The following JAKMIP1 variants were observed in gnomAD, a reference collection of about 807,000 sequenced individuals.
JAKMIP1 encodes the protein janus kinase and microtubule-interacting protein 1.
JAKMIP1 carries 33 observed loss-of-function variants against 113.0 expected under a neutral mutation model. The observed-to-expected ratio is 0.29, with a 90% confidence interval of 0.22 to 0.39. JAKMIP1 has a LOEUF of 0.39. Among genes scored for constraint, JAKMIP1 ranks in the 10% least tolerant of loss-of-function variants. JAKMIP1 has a pLI of 1.00. For synonymous variants in JAKMIP1, 480 were observed against 459.9 expected, an observed-to-expected ratio of 1.04 and a Z score of -0.56; for missense variants, 813 against 1,080.5, an observed-to-expected ratio of 0.75 and a Z score of 3.47.
chr4:6,062,558 G>T, intron 9 of JAKMIP1, 118 bp from the exon 10 acceptor site: 1 of 1,119,772 alleles, frequency 8.9e-7, no homozygotes, highest in Non-Finnish European at 1.3e-6. Context: ...GAGTGCCAGG[G>T]TCAACTTAGA....
intron 1 of JAKMIP1, among the ~76,000 whole-genome samples, chr4:6,148,738 G>A (rs1254361479): frequency 1.3e-5 from 2 of 152,294 alleles, no homozygotes; most frequent in African/African-American, 4.8e-5. Context: ...ACTCCCACCC[G>A]CACACCCATC....
intron 1 of JAKMIP1, among the ~76,000 whole-genome samples, chr4:6,113,883 G>A (rs567411930): frequency 7.2e-5 from 11 of 152,352 alleles, no homozygotes; most frequent in Non-Finnish European, 1.3e-4. Flanking sequence ...CTAGAACAGA[G>A]GGCAGCACGT....
At position 6,158,944 on chromosome 4, in the gene JAKMIP1, C is replaced by G. The variant is rs531799623; in HGVS notation, c.-148+41309G>C. On this transcript the variant is annotated intron_variant, in intron 1 of 20. Transcript: ENST00000409021. This position sits in a 1 kb window ranked among gnomAD's most constrained non-coding sequence, Gnocchi z 5.3. ...TCTCTACAAAAAATACAAAAATTAG[C>G]GGGGCATAGTGGCATGCACCTATAG... Among the ~76,000 whole-genome samples the G allele has an allele frequency of 6.6e-6, 1 of 151,976 alleles. No homozygotes were observed. The highest frequency in any genetic ancestry group is 1.5e-5 in the Non-Finnish European group (1 of 68,000).
intron 1 of JAKMIP1, among the ~76,000 whole-genome samples, chr4:6,151,213 G>T (rs116378561): frequency 1.1e-4 from 17 of 152,230 alleles, no homozygotes; most frequent in African/African-American, 4.1e-4. Flanking sequence ...GTTCCATACA[G>T]GACCTCATTT....
Position 6,105,749 on chromosome 4 carries a change from C to T in JAKMIP1, c.348G>A (p.Thr116=), listed in dbSNP as rs370356135. Residue 116 remains threonine (T), a synonymous_variant, in exon 3 of 21, where the codon ACG becomes ACA. Coordinates refer to ENST00000409021, the MANE Select transcript of JAKMIP1 (RefSeq NM_001099433.2). Reference sequence around the variant, plus strand: ...CCGCGCCGTCGCGCAGCACGTTCAGCGTGGCCTGCAGCCGCTGCAGCTCGC... The same window carrying T: ...CCGCGCCGTCGCGCAGCACGTTCAGTGTGGCCTGCAGCCGCTGCAGCTCGC... ...KEGELQRLQA[T]LNVLRDGAAD... is the part of the protein sequence containing the mutation. The T allele has an allele frequency of 2.8e-4, 443 of 1,602,632 alleles. 1 individual carries two copies. The highest frequency in any genetic ancestry group is 3.4e-4 in the Non-Finnish European group (397 of 1,178,110).
intron 9 of JAKMIP1, among the ~76,000 whole-genome samples, chr4:6,063,214 T>A (rs1717564374): frequency 6.6e-6 from 1 of 151,424 alleles, no homozygotes; most frequent in African/African-American, 2.4e-5. Context: ...GGTTCACAGG[T>A]GTGGAAAACG....
chr4:6,135,798 C>G lies in JAKMIP1; in HGVS notation c.-147-22801G>C, dbSNP rs548704446. Among the ~76,000 whole-genome samples, 1 of 152,148 alleles carries G rather than the reference C, an allele frequency of 6.6e-6. No homozygotes were observed. Among genetic ancestry groups the G allele is most frequent in the East Asian group, 1.9e-4 (1 of 5,168 alleles). ...TGGTTCTTCCCCTAAACCACACTGC[C>G]CAGCACAATGCTGGCTCACACAGAA... On this transcript the variant is annotated intron_variant, in intron 1 of 20. Coordinates refer to ENST00000409021, the MANE Select transcript of JAKMIP1 (RefSeq NM_001099433.2). This position sits in a 1 kb window ranked among gnomAD's most constrained non-coding sequence, Gnocchi z 4.9.
At chr4:6,098,447 G>C (rs1390924157) in intron 3 of JAKMIP1, among the ~76,000 whole-genome samples, 1 of 149,756 alleles carries the variant, frequency 6.7e-6, no homozygotes, top group Non-Finnish European at 1.5e-5. Flanking sequence ...GAACAAGGAA[G>C]GGAGGGAGGG....
At chr4:6,145,006 A>G (rs1291194860) in intron 1 of JAKMIP1, among the ~76,000 whole-genome samples, 1 of 152,228 alleles carries the variant, frequency 6.6e-6, no homozygotes, top group Non-Finnish European at 1.5e-5. Context: ...AAACTATTAG[A>G]ACTAATAAAC....
Position 6,081,083 on chromosome 4 carries a change from G to C in JAKMIP1, c.1101+526C>G, listed in dbSNP as rs1228970839. Among the ~76,000 whole-genome samples, 2 of 151,902 alleles carry C rather than the reference G, an allele frequency of 1.3e-5. No individual in the cohort carries two copies. The highest frequency in any genetic ancestry group is 2.4e-5 in the African/African-American group (1 of 41,292). Reference sequence around the variant, plus strand: ...GAGCCTCCGTCTTCCCGGCTGTGAAGTGGGGGTTGATACTACTCTGAACAA... The same window carrying C: ...GAGCCTCCGTCTTCCCGGCTGTGAACTGGGGGTTGATACTACTCTGAACAA... On this transcript the variant is annotated intron_variant, in intron 6 of 20. Coordinates refer to ENST00000409021, the MANE Select transcript of JAKMIP1 (RefSeq NM_001099433.2). The surrounding 1 kb of genome is among the most constrained non-coding windows in gnomAD (Gnocchi z 4.6).
At chr4:6,174,013 G>C (rs1250659628) in intron 1 of JAKMIP1, among the ~76,000 whole-genome samples, 1 of 152,184 alleles carries the variant, frequency 6.6e-6, no homozygotes, top group Non-Finnish European at 1.5e-5. Context: ...AGGTTGCAGT[G>C]AGCCAAGGTG....
At chr4:6,105,278 G>A (rs534301524) in intron 3 of JAKMIP1, among the ~76,000 whole-genome samples, 195 bp downstream of exon 3, 74 of 152,192 alleles carry the variant, frequency 4.9e-4, no homozygotes, top group South Asian at 2.7e-3. Context: ...TGACAAATGG[G>A]GAACTGTTCT....
At chr4:6,027,071 G>T (rs576470989) in intron 20 of JAKMIP1, among the ~76,000 whole-genome samples, 4 of 149,028 alleles carry the variant, frequency 2.7e-5, no homozygotes, top group Admixed American at 6.6e-5. Flanking sequence ...TACTTATACA[G>T]AGAAAAAAAA....
At chr4:6,126,738 C>T (rs751991058) in intron 1 of JAKMIP1, among the ~76,000 whole-genome samples, 3 of 151,314 alleles carry the variant, frequency 2.0e-5, no homozygotes, top group Non-Finnish European at 4.4e-5. Flanking sequence ...CACACACACA[C>T]ACCAGGCAGA....
At position 6,088,802 on chromosome 4, in the gene JAKMIP1, T is replaced by C. The variant is rs926412250; in HGVS notation, c.625-3173A>G. 6.6e-6 allele frequency among the ~76,000 whole-genome samples: 1 copy of C among 152,136 alleles called. No individual in the cohort carries two copies. The highest frequency in any genetic ancestry group is 2.4e-5 in the African/African-American group (1 of 41,428). On this transcript the variant is annotated intron_variant, in intron 3 of 20. Transcript: ENST00000409021. The surrounding 1 kb of genome is among the most constrained non-coding windows in gnomAD (Gnocchi z 5.5). ...TGGGATGCTGATGAAATCTCAAGCT[T>C]CCTGGAACTGCTCACCTGACCATAT... is the stretch of plus-strand genomic sequence containing the variant.
At chr4:6,092,837 G>A (rs992356896) in intron 3 of JAKMIP1, among the ~76,000 whole-genome samples, 1 of 152,178 alleles carries the variant, frequency 6.6e-6, no homozygotes, top group Non-Finnish European at 1.5e-5. Flanking sequence ...TACCTGTGAT[G>A]CTTCATCTAC....
At chr4:6,036,643 G>A (rs1347742760) in intron 18 of JAKMIP1, among the ~76,000 whole-genome samples, 2 of 152,236 alleles carry the variant, frequency 1.3e-5, no homozygotes, top group East Asian at 3.9e-4. Flanking sequence ...TGGCAAAGCT[G>A]AATGAGGCAT....
rs1368004792 is a variant in JAKMIP1, at chr4:6,080,477, C to A, written c.1102-165G>T. Among the ~76,000 whole-genome samples the A allele has an allele frequency of 1.3e-5, 2 of 152,174 alleles. No homozygotes were observed. Among genetic ancestry groups the A allele is most frequent in the Non-Finnish European group, 2.9e-5 (2 of 68,042 alleles). ...GGCTGTGTCCCCACCCAAATCTCAT[C>A]TTGAATTGCGGCTCCCAGAACTCCC... On this transcript the variant is annotated intron_variant, in intron 6 of 20. Transcript: ENST00000409021. The surrounding 1 kb of genome is among the most constrained non-coding windows in gnomAD (Gnocchi z 6.0).
At chr4:6,062,501 A>G in intron 9 of JAKMIP1, 61 bp from the exon 10 acceptor site, 2 of 1,535,518 alleles carry the variant, frequency 1.3e-6, no homozygotes, top group Non-Finnish European at 1.8e-6. Context: ...TAAATGATTT[A>G]TGATTGATTT....
Sources: gnomAD v4.1 joint callset for allele counts (sites outside exome capture counted in the v4.1 genomes callset) on GRCh38, gnomAD v4.1.1 for gene constraint, Gnocchi (gnomAD v3.1) non-coding constraint, MANE v1.5 for transcripts, NCBI Gene and HGNC (gene_info 2026-07-23, HGNC 2026-07-21) for gene names.